The following PVR variants were observed in gnomAD, a reference collection of about 807,000 sequenced individuals.
PVR encodes the protein poliovirus receptor.
Under a neutral mutation model 43.3 loss-of-function variants are expected in PVR, and 39 were observed. The observed-to-expected ratio is 0.90, with a 90% CI of 0.70 to 1.18. The LOEUF is 1.18. Ranked by LOEUF, PVR falls within the 50% of genes most tolerant of loss-of-function variation. The pLI, the probability that PVR is intolerant of heterozygous loss-of-function variation, is 0.00. For missense variants in PVR, 480 were observed against 549.7 expected, an observed-to-expected ratio of 0.87 and a Z score of 1.27; for synonymous variants, 224 against 233.2, an observed-to-expected ratio of 0.96 and a Z score of 0.36.
chr19:44,661,405 C>A, intron 7 of PVR, 82 bp downstream of exon 7: 1 of 1,438,210 alleles, frequency 7.0e-7, no homozygotes, highest in Non-Finnish European at 9.8e-7. Flanking sequence ...CACGGCCCGG[C>A]CTCAGGAGCC....
At position 44,647,210 on chromosome 19, in the gene PVR, C is replaced by A. The variant is rs986927701; in HGVS notation, c.80-13C>A. Reference sequence around the variant, plus strand: ...CGCCCCGGGTCTGACACCTTCTCTTCGGTTCTCCGCAGGGGACGTCGTCGT... The same window carrying A: ...CGCCCCGGGTCTGACACCTTCTCTTAGGTTCTCCGCAGGGGACGTCGTCGT... On this transcript the variant is annotated splice_polypyrimidine_tract_variant and intron_variant, in intron 1 of 7. Transcript: ENST00000425690. 1 of 1,517,344 alleles carries A rather than the reference C, an allele frequency of 6.6e-7. No individual in the cohort carries two copies. 94.0% of individuals were successfully genotyped at this position (1,517,344 alleles called of 1,614,324 possible).
At chr19:44,654,120 C>T in intron 4 of PVR, 103 bp downstream of exon 4, 1 of 962,692 alleles carries the variant, frequency 1.0e-6, no homozygotes, top group Non-Finnish European at 1.6e-6. Flanking sequence ...GGAGAAGGGG[C>T]TGGGGGCCCG....
At chr19:44,646,301 C>T (rs1030003787) in intron 1 of PVR, among the ~76,000 whole-genome samples, 2 of 152,150 alleles carry the variant, frequency 1.3e-5, no homozygotes, top group Non-Finnish European at 2.9e-5. Context: ...CTCAATCCCC[C>T]ACATTCTTCC....
intron 5 of PVR, among the ~76,000 whole-genome samples, chr19:44,658,490 A>C (rs115787340): frequency 0.029 from 4,352 of 152,272 alleles, 213 homozygotes; most frequent in African/African-American, 0.098. Flanking sequence ...GCTGGCTCTC[A>C]TTGGCCCAGC....
intron 3 of PVR, chr19:44,653,572 T>C: frequency 4.3e-6 from 1 of 231,762 alleles, no homozygotes; most frequent in South Asian, 8.7e-5. Context: ...TACACTGCTG[T>C]GTGTTGTGAG....
intron 1 of PVR, among the ~76,000 whole-genome samples, chr19:44,645,600 A>T (rs1599757293): frequency 6.7e-6 from 1 of 150,348 alleles, no homozygotes; most frequent in African/African-American, 2.4e-5. Context: ...AGTAGCTGGG[A>T]TTATAGGTGC....
chr19:44,654,082 G>C (rs1973363471), intron 4 of PVR, 65 bp downstream of exon 4: 9 of 1,346,074 alleles, frequency 6.7e-6, no homozygotes, highest in Non-Finnish European at 8.4e-6. Context: ...GGGAGGAGGG[G>C]CTGGGGGCCT....
At chr19:44,652,470 G>A (rs1466744485) in intron 3 of PVR, among the ~76,000 whole-genome samples, 1 of 152,072 alleles carries the variant, frequency 6.6e-6, no homozygotes, top group Non-Finnish European at 1.5e-5. Context: ...TGCAGCCTCC[G>A]CCTCTCGGGT....
intron 2 of PVR, 141 bp downstream of exon 2, chr19:44,647,711 AGC>A (rs1480351193): frequency 2.5e-5 from 3 of 121,836 alleles, no homozygotes; most frequent in African/African-American, 1.8e-4. Flanking sequence ...AGGAGGGGGC[AGC>A]GCAATGATGT....
intron 4 of PVR, among the ~76,000 whole-genome samples, chr19:44,656,337 C>T (rs892540605): frequency 7.2e-5 from 11 of 152,180 alleles, no homozygotes; most frequent in African/African-American, 1.9e-4. Flanking sequence ...AAGGAATTGC[C>T]GGTCAAAGGT....
At chr19:44,649,709 C>A in intron 2 of PVR, 100 bp from the exon 3 acceptor site, 2 of 1,331,944 alleles carry the variant, frequency 1.5e-6, no homozygotes, top group African/African-American at 1.5e-5. Context: ...GCGTGAGCCA[C>A]CCCGCCCAGC....
Position 44,650,145 on chromosome 19 carries a change from G to T in PVR, c.724+40G>T, listed in dbSNP as rs796405631. On this transcript the variant is annotated intron_variant, in intron 3 of 7. Coordinates refer to ENST00000425690, the MANE Select transcript of PVR (RefSeq NM_006505.5). ...GTCAGCGATGGCAAGAACCCCTGCCGGGCTGCCCCCACCACTGTCTACACT... is the reference window on the plus strand; with the variant it reads ...GTCAGCGATGGCAAGAACCCCTGCCTGGCTGCCCCCACCACTGTCTACACT... The T allele has an allele frequency of 5.4e-6, 8 of 1,486,304 alleles. No individual in the cohort carries two copies. In the African/African-American group the frequency reaches 9.9e-5, roughly 18 times the overall value. 92.1% of individuals were successfully genotyped at this position (1,486,304 alleles called of 1,614,324 possible).
chr19:44,647,172 T>C, intron 1 of PVR, 51 bp from the exon 2 acceptor site: 1 of 1,257,282 alleles, frequency 8.0e-7, no homozygotes, highest in South Asian at 1.5e-5. Context: ...CCCCTCCCTA[T>C]CTAGTCCAAG....
chr19:44,662,769 G>T lies in PVR; in HGVS notation c.*958G>T, dbSNP rs974964066. 2.0e-5 allele frequency: 3 copies of T among 152,194 alleles called. No homozygotes were observed. Among genetic ancestry groups the T allele is most frequent in the African/African-American group, 7.2e-5 (3 of 41,446 alleles). 9.4% of individuals were successfully genotyped at this position (152,194 alleles called of 1,614,324 possible). On this transcript the variant is annotated 3_prime_UTR_variant, in exon 8 of 8. Transcript: ENST00000425690. ...TACTGCATAGCAGACCACACAGAAG[G>T]GTGTGGGCCACCAGAGAATTTTGGT...
At chr19:44,652,900 C>T (rs1016238937) in intron 3 of PVR, among the ~76,000 whole-genome samples, 1 of 152,100 alleles carries the variant, frequency 6.6e-6, no homozygotes, top group African/African-American at 2.4e-5. Context: ...TAAAATTATT[C>T]TTGAGATCTT....
At chr19:44,654,100 T>G (rs1973364302) in intron 4 of PVR, 83 bp downstream of exon 4, 1 of 1,162,922 alleles carries the variant, frequency 8.6e-7, no homozygotes, top group Non-Finnish European at 1.2e-6. Flanking sequence ...CCTGGACTCC[T>G]GGGACTGAGG....
chr19:44,644,156 CTG>C lies in PVR; in HGVS notation c.61_62del (p.Trp21AlafsTer50). On this transcript the variant is annotated frameshift_variant, in exon 1 of 8. Transcript: ENST00000425690. LOFTEE classifies it high-confidence loss of function. ...LLLVALLVLS[W>X]PPPGTGDVVV... ...TGCTGGTGGCGCTACTGGTGCTGTC[CTG>C]GCCACCCCCAGGAACCGGTGAGTGA... 2 of 1,512,074 alleles carry C rather than the reference CTG, an allele frequency of 1.3e-6. No individual in the cohort carries two copies. The highest frequency in any genetic ancestry group is 1.8e-6 in the Non-Finnish European group (2 of 1,135,488). The allele number at this position is 1,512,074 out of a possible 1,614,324, so 93.7% of individuals were successfully genotyped here.
rs1973705904 is a variant in PVR, at chr19:44,665,940, G to A, written c.*4129G>A. Reference sequence around the variant, plus strand: ...GCCGCCCACCGCTCAACCAATCCCTGGCCAAAAGAATGGGACCGCCTGGAA... The same window carrying A: ...GCCGCCCACCGCTCAACCAATCCCTAGCCAAAAGAATGGGACCGCCTGGAA... On this transcript the variant is annotated 3_prime_UTR_variant, in exon 8 of 8. Coordinates refer to ENST00000425690, the MANE Select transcript of PVR (RefSeq NM_006505.5). The A allele has an allele frequency of 6.6e-6, 1 of 152,284 alleles. No individual in the cohort carries two copies. The highest frequency in any genetic ancestry group is 2.1e-4 in the South Asian group (1 of 4,834). 9.4% of individuals were successfully genotyped at this position (152,284 alleles called of 1,614,324 possible). A position where few individuals can be genotyped will look rare whatever the true frequency, so the allele number is the denominator to read the frequency against.
Position 44,665,175 on chromosome 19 carries a change from G to A in PVR, c.*3364G>A, listed in dbSNP as rs1050125242. 24 of 152,180 alleles carry A rather than the reference G, an allele frequency of 1.6e-4. No individual in the cohort carries two copies. Among genetic ancestry groups the A allele is most frequent in the African/African-American group, 5.5e-4 (23 of 41,500 alleles). The allele number at this position is 152,180 out of a possible 1,614,324, so 9.4% of individuals were successfully genotyped here. On this transcript the variant is annotated 3_prime_UTR_variant, in exon 8 of 8. Transcript: ENST00000425690. ...ACTTGGCGGGGGGCAGGGTATGATG[G>A]AGATCATAAGGAGGCTAAAACACTC...
Sources: gnomAD v4.1 joint callset for allele counts (sites outside exome capture counted in the v4.1 genomes callset) on GRCh38, gnomAD v4.1.1 for gene constraint, MANE v1.5 for transcripts, NCBI Gene and HGNC (gene_info 2026-07-23, HGNC 2026-07-21) for gene names.